ADAM9: variants seen among roughly 807,000 people sequenced by gnomAD.
ADAM9 encodes ADAM metallopeptidase domain 9, also known as disintegrin and metalloproteinase domain-containing protein 9.
Under a neutral mutation model 108.1 loss-of-function variants are expected in ADAM9, and 54 were observed. The ratio of observed to expected loss-of-function variants is 0.50; its 90% confidence interval spans 0.40 to 0.63. ADAM9 has a LOEUF of 0.63. Among genes scored for constraint, ADAM9 ranks in the 20% least tolerant of loss-of-function variants. The pLI is 0.00. For missense variants in ADAM9, 830 were observed against 997.7 expected (o/e 0.83, Z 2.26); for synonymous variants, 316 against 336.0 (o/e 0.94, Z 0.65).
intron 20 of ADAM9, among the ~76,000 whole-genome samples, chr8:39,100,584 G>T (rs1430501690): frequency 6.6e-6 from 1 of 151,962 alleles, no homozygotes; most frequent in African/African-American, 2.4e-5. Context: ...TCCCTTTAGA[G>T]TGCTGTTCCT....
chr8:39,072,959 G>C (rs1044159729), intron 15 of ADAM9, among the ~76,000 whole-genome samples: 5 of 152,110 alleles, frequency 3.3e-5, no homozygotes, highest in Non-Finnish European at 5.9e-5. Context: ...TTGATGTCTA[G>C]TTCAATTCCA....
intron 14 of ADAM9, among the ~76,000 whole-genome samples, chr8:39,056,660 T>C (rs1037040052): frequency 7.9e-5 from 12 of 152,212 alleles, no homozygotes; most frequent in Non-Finnish European, 1.6e-4. Context: ...TTACTAATTC[T>C]GTCTTTCTGT....
chr8:39,067,269 T>C lies in ADAM9; in HGVS notation c.1592-4029T>C, dbSNP rs988282987. 3.6e-4 allele frequency among the ~76,000 whole-genome samples: 55 copies of C among 152,210 alleles called. 1 individual carries two copies. The highest frequency in any genetic ancestry group is 2.7e-3 in the Admixed American group (41 of 15,280). Reference sequence around the variant, plus strand: ...TGGTTCCATATGAACTTTAAAGTATTTTTTTCCAATTCTGTGAAGAAAGTC... The same window carrying C: ...TGGTTCCATATGAACTTTAAAGTATCTTTTTCCAATTCTGTGAAGAAAGTC... On this transcript the variant is annotated intron_variant, in intron 14 of 21. Transcript: ENST00000487273.
At position 39,023,204 on chromosome 8, in the gene ADAM9, T is replaced by C. The variant is rs1442724169; in HGVS notation, c.793T>C (p.Trp265Arg). Residue 265 changes from tryptophan (W) to arginine (R), a missense_variant, in exon 9 of 22, where the codon TGG becomes CGG. By Grantham distance (101) the Trp-to-Arg change is moderately radical (BLOSUM62 -3). This residue lies in a region of ADAM9 where 381 missense variants were observed against 539.8 expected (regional missense o/e 0.71). Transcript: ENST00000487273. ...AATTGTGCTAGTTGGACTGGAGATT[T>C]GGACCAATGGAAACCTGATCAACAT... ...IRIVLVGLEI[W>R]TNGNLINIVG... is the part of the protein sequence containing the mutation. The C allele has an allele frequency of 6.2e-7, 1 of 1,613,882 alleles. No homozygotes were observed. Among genetic ancestry groups the C allele is most frequent in the Non-Finnish European group, 8.5e-7 (1 of 1,179,892 alleles).
intron 19 of ADAM9, 52 bp downstream of exon 19, chr8:39,090,240 T>C: frequency 6.8e-7 from 1 of 1,478,884 alleles, no homozygotes; most frequent in Non-Finnish European, 9.3e-7. Flanking sequence ...ACATACATTT[T>C]CTGAGACAGA....
At chr8:39,037,458 G>GTGTGTGTGT (rs56848190) in intron 11 of ADAM9, among the ~76,000 whole-genome samples, 1 of 126,558 alleles carries the variant, frequency 7.9e-6, no homozygotes, top group Non-Finnish European at 1.6e-5. Flanking sequence ...GTGTGTGTGT[G>GTGTGTGTGT]TTTTTTTTTT....
chr8:39,071,159 G>T (rs1838673580), intron 14 of ADAM9, 139 bp from the exon 15 acceptor site: 3 of 665,702 alleles, frequency 4.5e-6, no homozygotes, highest in South Asian at 3.7e-5. Context: ...CATGTGTGAG[G>T]CAGGAAAGGT....
chr8:39,018,934 A>G lies in ADAM9; in HGVS notation c.672+16A>G, dbSNP rs1554574110. 11 of 1,613,062 alleles carry G rather than the reference A, an allele frequency of 6.8e-6. No homozygotes were observed. The highest frequency in any genetic ancestry group is 1.3e-5 in the African/African-American group (1 of 74,868). ...CAAGGAAAGGGTAAGATTGGTGACA[A>G]TTTTTCTTCTTTTCCATGAAAAGGA... is the stretch of plus-strand genomic sequence containing the variant. On this transcript the variant is annotated intron_variant, in intron 7 of 21. Coordinates refer to ENST00000487273, the MANE Select transcript of ADAM9 (RefSeq NM_003816.3).
rs1564297056 is a variant in ADAM9, at chr8:39,045,085, TACATAC to T, written c.1302+2970_1302+2975del. Among the ~76,000 whole-genome samples the T allele has an allele frequency of 1.3e-3, 42 of 31,312 alleles. 9 individuals are homozygous for T. The East Asian group carries it at 0.034, about 26-fold the overall frequency. The allele number at this position is 31,312 out of a possible 152,430, so 20.5% of individuals were successfully genotyped here. A position where few individuals can be genotyped will look rare whatever the true frequency, so the allele number is the denominator to read the frequency against. On this transcript the variant is annotated intron_variant, in intron 12 of 21. Coordinates refer to ENST00000487273, the MANE Select transcript of ADAM9 (RefSeq NM_003816.3). ...GCATACATACATATGTGTGTGTGCATACATACATATGTGTGTGTGCATACATACATA... is the reference window on the plus strand; with the variant it reads ...GCATACATACATATGTGTGTGTGCATATATGTGTGTGTGCATACATACATA...
intron 2 of ADAM9, among the ~76,000 whole-genome samples, chr8:39,009,974 C>G (rs1032266584): frequency 2.0e-5 from 3 of 150,072 alleles, no homozygotes; most frequent in Non-Finnish European, 4.5e-5. Context: ...ACCCCCCCCC[C>G]CAAACCAAAA....
chr8:39,091,641 C>T (rs1348006150), intron 20 of ADAM9, among the ~76,000 whole-genome samples: 2 of 152,116 alleles, frequency 1.3e-5, no homozygotes, highest in East Asian at 1.9e-4. Flanking sequence ...TGTGTACCAC[C>T]ACGCCTGGCT....
At chr8:39,045,452 A>C (rs1291126182) in intron 12 of ADAM9, among the ~76,000 whole-genome samples, 1 of 148,050 alleles carries the variant, frequency 6.8e-6, no homozygotes, top group African/African-American at 2.6e-5. Context: ...GTGTACACAC[A>C]CCTATATGTG....
chr8:38,997,168 T>A lies in ADAM9; in HGVS notation c.97+8T>A, dbSNP rs377363598. On this transcript the variant is annotated splice_region_variant and intron_variant, in intron 1 of 21. Transcript: ENST00000487273. Reference sequence around the variant, plus strand: ...TCGGTGCGGCGCGGCCAGGTGGGTGTCCGCGCCCCGGGTCGGTTGGGACGG... The same window carrying A: ...TCGGTGCGGCGCGGCCAGGTGGGTGACCGCGCCCCGGGTCGGTTGGGACGG... 8 of 1,595,636 alleles carry A rather than the reference T, an allele frequency of 5.0e-6. No individual in the cohort carries two copies. Among genetic ancestry groups the A allele is most frequent in the Non-Finnish European group, 6.8e-6 (8 of 1,177,696 alleles).
At chr8:39,005,978 A>G (rs1836148891) in intron 1 of ADAM9, among the ~76,000 whole-genome samples, 1 of 152,236 alleles carries the variant, frequency 6.6e-6, no homozygotes, top group African/African-American at 2.4e-5. Flanking sequence ...AGTTAAATAC[A>G]GGTATGAGTT....
At position 39,055,628 on chromosome 8, in the gene ADAM9, C is replaced by G. The variant is rs1838094824; in HGVS notation, c.1447C>G (p.Pro483Ala). ...CRGKTSECDV[P>A]EYCNGSSQFC... Reference sequence around the variant, plus strand: ...AGGAAAAACCAGTGAGTGTGATGTTCCAGAGTACTGCAATGGTTCTTCTCA... The same window carrying G: ...AGGAAAAACCAGTGAGTGTGATGTTGCAGAGTACTGCAATGGTTCTTCTCA... The change falls in exon 14 of 22, where the codon CCA becomes GCA. Residue 483 changes from proline (P) to alanine (A), a missense_variant. Coordinates refer to ENST00000487273, the MANE Select transcript of ADAM9 (RefSeq NM_003816.3). 1 of 1,613,750 alleles carries G rather than the reference C, an allele frequency of 6.2e-7. No individual in the cohort carries two copies. Among genetic ancestry groups the G allele is most frequent in the Non-Finnish European group, 8.5e-7 (1 of 1,179,736 alleles).
chr8:39,014,784 C>A, intron 4 of ADAM9: 1 of 445,100 alleles, frequency 2.2e-6, no homozygotes, highest in Non-Finnish European at 4.0e-6. Context: ...CTGTTGGTAG[C>A]GCACTTTTGC....
intron 1 of ADAM9, among the ~76,000 whole-genome samples, chr8:39,001,439 A>G (rs1383044660): frequency 2.6e-5 from 4 of 152,254 alleles, no homozygotes; most frequent in African/African-American, 9.6e-5. Context: ...TGAATAAGAT[A>G]CCGTCCTTGA....
chr8:39,028,190 T>A (rs527709535), intron 11 of ADAM9, among the ~76,000 whole-genome samples: 117 of 152,240 alleles, frequency 7.7e-4, no homozygotes, highest in African/African-American at 2.8e-3. Context: ...GACAGAGTAA[T>A]AAAAACTTCT....
At chr8:39,011,943 G>A (rs1300568929) in intron 3 of ADAM9, among the ~76,000 whole-genome samples, 1 of 152,196 alleles carries the variant, frequency 6.6e-6, no homozygotes, top group Non-Finnish European at 1.5e-5. Flanking sequence ...CTTTTCAAAT[G>A]CATCACTAAG....
Sources: gnomAD v4.1 joint callset for allele counts (sites outside exome capture counted in the v4.1 genomes callset) on GRCh38, gnomAD v4.1.1 for gene constraint, gnomAD v4.1.1 regional missense constraint, MANE v1.5 for transcripts, NCBI Gene and HGNC (gene_info 2026-07-23, HGNC 2026-07-21) for gene names.